SDK1: variants seen among roughly 807,000 people sequenced by gnomAD.
SDK1 encodes the protein sidekick cell adhesion molecule 1, also known as protein sidekick-1.
In SDK1, 157 loss-of-function variants were observed where a neutral mutation model predicts 245.5. The ratio of observed to expected loss-of-function variants is 0.64; its 90% CI spans 0.56 to 0.73. SDK1 has a LOEUF of 0.73. Among genes scored for constraint, SDK1 ranks in the 30% least tolerant of loss-of-function variants. The pLI is 0.00. For synonymous variants in SDK1, 1,647 were observed against 1,278.5 expected, an observed-to-expected ratio of 1.29 and a Z score of -6.15; for missense variants, 3,583 against 3,002.3, an observed-to-expected ratio of 1.19 and a Z score of -4.52.
At chr7:3,651,542 G>C (rs1783014586) in intron 4 of SDK1, among the ~76,000 whole-genome samples, 1 of 152,140 alleles carries the variant, frequency 6.6e-6, no homozygotes. Context: ...GGAAAATCTA[G>C]AAGGAAGGCC....
intron 5 of SDK1, among the ~76,000 whole-genome samples, chr7:3,826,663 G>A (rs1180688654): frequency 6.6e-6 from 1 of 152,182 alleles, no homozygotes; most frequent in South Asian, 2.1e-4. Flanking sequence ...CCATGCCTAT[G>A]AGGGCATCCT....
intron 4 of SDK1, among the ~76,000 whole-genome samples, chr7:3,749,751 G>C (rs2115062771): frequency 6.6e-6 from 1 of 152,282 alleles, no homozygotes; most frequent in East Asian, 1.9e-4. Flanking sequence ...TCGTGGGCTG[G>C]CATTCTAGTG....
intron 5 of SDK1, among the ~76,000 whole-genome samples, chr7:3,872,121 A>G (rs1780971303): frequency 6.6e-6 from 1 of 152,322 alleles, no homozygotes; most frequent in South Asian, 2.1e-4. Context: ...TTACCTTACA[A>G]TCCTTGGATG....
chr7:3,522,530 C>T (rs1782975590), intron 1 of SDK1, among the ~76,000 whole-genome samples: 3 of 149,724 alleles, frequency 2.0e-5, no homozygotes, highest in African/African-American at 7.5e-5. Context: ...TCTTGATTAT[C>T]TTGGGTGCCC....
chr7:3,537,489 G>A (rs1343149280), intron 1 of SDK1, among the ~76,000 whole-genome samples: 1 of 152,140 alleles, frequency 6.6e-6, no homozygotes, highest in South Asian at 2.1e-4. Flanking sequence ...AAATCACTTT[G>A]TCACTCTAAG....
At chr7:3,956,644 G>A (rs1010046229) in intron 7 of SDK1, among the ~76,000 whole-genome samples, 9 of 152,184 alleles carry the variant, frequency 5.9e-5, no homozygotes, top group East Asian at 1.9e-4. Flanking sequence ...CCCTGCAGGC[G>A]GTGGCAGGCT....
chr7:3,761,446 C>T (rs779079578), intron 4 of SDK1, among the ~76,000 whole-genome samples: 8 of 150,942 alleles, frequency 5.3e-5, no homozygotes, highest in African/African-American at 1.7e-4. Context: ...CCCAGTTACT[C>T]GGAAGGCTGA....
intron 1 of SDK1, among the ~76,000 whole-genome samples, chr7:3,565,453 C>T (rs1273166842): frequency 6.6e-6 from 1 of 152,122 alleles, no homozygotes; most frequent in African/African-American, 2.4e-5. Context: ...CAGTGCTATC[C>T]AGGAAGTAAA....
chr7:3,382,762 T>G (rs1781518794), intron 1 of SDK1, among the ~76,000 whole-genome samples: 1 of 152,214 alleles, frequency 6.6e-6, no homozygotes, highest in Admixed American at 6.5e-5. Flanking sequence ...ATTACACATC[T>G]AGTGTCTCAC....
In SDK1 at chr7:3,790,771, C is replaced by G. The variant is rs114109804; in HGVS notation, c.714-30679C>G. 5.6e-3 allele frequency among the ~76,000 whole-genome samples: 851 copies of G among 152,152 alleles called. 9 individuals carry two copies. Among genetic ancestry groups the G allele is most frequent in the African/African-American group, 0.02 (819 of 41,526 alleles). On this transcript the variant is annotated intron_variant, in intron 4 of 44. Coordinates refer to ENST00000404826, the MANE Select transcript of SDK1 (RefSeq NM_152744.4). ...CAGTGAGCTGAGATCATGCTATTGC[C>G]TGGGAAACAAGAGCGAAACTGTCGC... is the stretch of plus-strand genomic sequence containing the variant.
chr7:3,766,382 T>A (rs550009012), intron 4 of SDK1, among the ~76,000 whole-genome samples: 2 of 152,294 alleles, frequency 1.3e-5, no homozygotes, highest in South Asian at 4.1e-4. Context: ...AAAAGCAGAA[T>A]GATAACTAAA....
chr7:4,193,154 AAT>A (rs1388805677), intron 35 of SDK1, among the ~76,000 whole-genome samples: 2 of 129,616 alleles, frequency 1.5e-5, no homozygotes, highest in African/African-American at 5.8e-5. Context: ...ATATTTATAT[AAT>A]ATATATTAAA....
At chr7:3,417,112 T>G (rs1779388328) in intron 1 of SDK1, among the ~76,000 whole-genome samples, 1 of 152,128 alleles carries the variant, frequency 6.6e-6, no homozygotes. Context: ...AGGTGGAGGT[T>G]GCAGGGAGCC....
intron 1 of SDK1, among the ~76,000 whole-genome samples, chr7:3,410,471 G>C (rs1461719313): frequency 6.6e-6 from 1 of 151,768 alleles, no homozygotes; most frequent in Non-Finnish European, 1.5e-5. Context: ...TTTGGACAAA[G>C]GATACTCAAT....
At chr7:4,094,518 A>C (rs1354518141) in intron 22 of SDK1, among the ~76,000 whole-genome samples, 2 of 152,180 alleles carry the variant, frequency 1.3e-5, no homozygotes, top group African/African-American at 2.4e-5. Context: ...CCTCTGAGGA[A>C]AGTACAAGGA....
chr7:3,831,666 A>C (rs1294974901), intron 5 of SDK1, among the ~76,000 whole-genome samples: 1 of 152,158 alleles, frequency 6.6e-6, no homozygotes, highest in African/African-American at 2.4e-5. Flanking sequence ...ATTTGGTTCA[A>C]AGCATAATGA....
chr7:4,136,799 G>A (rs1231672655), intron 28 of SDK1, among the ~76,000 whole-genome samples: 3 of 152,244 alleles, frequency 2.0e-5, no homozygotes, highest in African/African-American at 7.2e-5. Flanking sequence ...TTATTACGAA[G>A]GGTGTGCGGG....
intron 35 of SDK1, among the ~76,000 whole-genome samples, chr7:4,204,555 G>A (rs1231982803): frequency 6.6e-6 from 1 of 152,194 alleles, no homozygotes; most frequent in Non-Finnish European, 1.5e-5. Flanking sequence ...GAAGGGGCGA[G>A]TCCTGAGGTC....
At chr7:3,930,823 GTCTC>G (rs924636651) in intron 5 of SDK1, among the ~76,000 whole-genome samples, 1 of 151,986 alleles carries the variant, frequency 6.6e-6, no homozygotes, top group African/African-American at 2.4e-5. Context: ...AAAAAGAAAA[GTCTC>G]TCTGAGTAAA....
Sources: allele counts gnomAD v4.1 joint callset (sites outside exome capture counted in the v4.1 genomes callset), GRCh38; gene constraint gnomAD v4.1.1; transcripts MANE v1.5; gene names NCBI Gene and HGNC (gene_info 2026-07-23, HGNC 2026-07-21).